The following DNAJC1 variants were observed in gnomAD, a reference collection of about 807,000 sequenced individuals.
The protein encoded by DNAJC1 is dnaJ homolog subfamily C member 1.
In DNAJC1, 58 loss-of-function variants were observed where a neutral mutation model predicts 76.6. The ratio of observed to expected loss-of-function variants is 0.76; its 90% CI spans 0.61 to 0.94. The LOEUF (loss-of-function observed/expected upper bound fraction) is 0.94, where lower values mean the gene tolerates loss of function less well. DNAJC1 is among the 40% of genes least tolerant of loss of function. The probability of loss-of-function intolerance (pLI) is 0.00; values close to 1 mark genes in which losing one functional copy is unlikely to be tolerated. For synonymous variants in DNAJC1, 258 were observed against 267.9 expected, an observed-to-expected ratio of 0.96 and a Z score of 0.36; for missense variants, 689 against 677.3, an observed-to-expected ratio of 1.02 and a Z score of -0.19.
intron 8 of DNAJC1, among the ~76,000 whole-genome samples, chr10:21,879,361 C>T (rs1227590855): frequency 3.3e-5 from 5 of 152,144 alleles, no homozygotes; most frequent in African/African-American, 9.7e-5. Context: ...CGTTAGCTCA[C>T]ACCTATAATC....
chr10:21,848,580 G>C lies in DNAJC1; in HGVS notation c.978+33702C>G, dbSNP rs1053240743. On this transcript the variant is annotated intron_variant, in intron 8 of 11. Coordinates refer to ENST00000376980, the MANE Select transcript of DNAJC1 (RefSeq NM_022365.4). Reference sequence around the variant, plus strand: ...ACTTTCAATATGGATAGAACATCTAGAAAGAAGATAAATAGGGAACCAGAG... The same window carrying C: ...ACTTTCAATATGGATAGAACATCTACAAAGAAGATAAATAGGGAACCAGAG... Among the ~76,000 whole-genome samples the C allele has an allele frequency of 7.2e-5, 11 of 152,252 alleles. No individual in the cohort carries two copies. In the South Asian group the frequency reaches 1.2e-3, roughly 17 times the overall value.
chr10:21,781,444 G>T (rs903141608), intron 9 of DNAJC1, among the ~76,000 whole-genome samples: 10 of 152,140 alleles, frequency 6.6e-5, no homozygotes, highest in African/African-American at 2.4e-4. Flanking sequence ...CTCACTCGCC[G>T]GGCGCGGTGG....
In DNAJC1 at chr10:21,918,886, G is replaced by A. The variant is rs1358880392; in HGVS notation, c.636-14C>T. On this transcript the variant is annotated splice_polypyrimidine_tract_variant and intron_variant, in intron 5 of 11. Coordinates refer to ENST00000376980, the MANE Select transcript of DNAJC1 (RefSeq NM_022365.4). Reference sequence around the variant, plus strand: ...TTCATCAGCAATCTAAAGGGAGGGAGAAAAAAGAACACCATACAACATATG... The same window carrying A: ...TTCATCAGCAATCTAAAGGGAGGGAAAAAAAAGAACACCATACAACATATG... 1 of 1,585,096 alleles carries A rather than the reference G, an allele frequency of 6.3e-7. No homozygotes were observed. The highest frequency in any genetic ancestry group is 2.2e-5 in the East Asian group (1 of 44,636).
At chr10:21,857,851 T>A (rs1835861879) in intron 8 of DNAJC1, among the ~76,000 whole-genome samples, 2 of 151,402 alleles carry the variant, frequency 1.3e-5, no homozygotes, top group Admixed American at 1.3e-4. Context: ...CAAGGCTCCG[T>A]CTCAAAAAAA....
intron 1 of DNAJC1, among the ~76,000 whole-genome samples, chr10:21,998,583 T>C (rs538637824): frequency 2.7e-4 from 41 of 152,164 alleles, no homozygotes; most frequent in African/African-American, 8.2e-4. Context: ...CCATCTCCTC[T>C]GAAAAGATGC....
intron 1 of DNAJC1, among the ~76,000 whole-genome samples, chr10:21,962,739 G>A (rs1432537585): frequency 1.3e-5 from 2 of 148,286 alleles, no homozygotes; most frequent in Admixed American, 6.8e-5. Context: ...TTTTTCGTGT[G>A]TTATGTTGCA....
intron 9 of DNAJC1, among the ~76,000 whole-genome samples, chr10:21,772,271 C>CTTTTTTTTTTT (rs398045895): frequency 2.1e-5 from 2 of 93,040 alleles, no homozygotes; most frequent in Admixed American, 1.3e-4. Context: ...CACCCCTCTT[C>CTTTTTTTTTTT]TTTTTTTTTT....
chr10:21,854,093 T>C (rs1276054531), intron 8 of DNAJC1, among the ~76,000 whole-genome samples: 1 of 152,052 alleles, frequency 6.6e-6, no homozygotes, highest in East Asian at 1.9e-4. Flanking sequence ...CTATAGACAC[T>C]ACAGTGGATA....
intron 8 of DNAJC1, among the ~76,000 whole-genome samples, chr10:21,821,699 A>G (rs188899165): frequency 6.6e-6 from 1 of 152,314 alleles, no homozygotes; most frequent in East Asian, 1.9e-4. Context: ...CTTGCTTTAA[A>G]GTTAGAAGTC....
At chr10:21,948,990 A>C (rs1837550563) in intron 1 of DNAJC1, among the ~76,000 whole-genome samples, 1 of 152,236 alleles carries the variant, frequency 6.6e-6, no homozygotes. Context: ...GCAGGAAGTC[A>C]GACCTTATCA....
At chr10:21,865,768 C>G (rs1428433005) in intron 8 of DNAJC1, 1 of 151,826 alleles carries the variant, frequency 6.6e-6, no homozygotes, top group Non-Finnish European at 1.5e-5. Flanking sequence ...ACATGGAGTA[C>G]AGTAAATTAA....
chr10:21,844,149 C>G (rs1166202302), intron 8 of DNAJC1, among the ~76,000 whole-genome samples: 1 of 152,192 alleles, frequency 6.6e-6, no homozygotes, highest in Non-Finnish European at 1.5e-5. Context: ...AATTAAACCT[C>G]TTTCCTTTAT....
intron 8 of DNAJC1, among the ~76,000 whole-genome samples, chr10:21,841,034 A>C (rs1402602080): frequency 6.6e-5 from 10 of 152,340 alleles, no homozygotes; most frequent in African/African-American, 2.2e-4. Flanking sequence ...TGGTGCTGGG[A>C]AAACTGGCTA....
intron 9 of DNAJC1, among the ~76,000 whole-genome samples, chr10:21,788,455 C>T (rs961593055): frequency 7.9e-5 from 12 of 152,176 alleles, no homozygotes; most frequent in Non-Finnish European, 1.2e-4. Flanking sequence ...GCTCAGACAC[C>T]CTACCCTACA....
At chr10:21,867,791 G>A (rs1836028654) in intron 8 of DNAJC1, among the ~76,000 whole-genome samples, 1 of 151,870 alleles carries the variant, frequency 6.6e-6, no homozygotes, top group African/African-American at 2.4e-5. Context: ...TGGGTGACAG[G>A]CCGGGTGCCG....
chr10:21,806,146 A>T lies in DNAJC1; in HGVS notation c.979-47T>A, dbSNP rs746379418. ...AAAAAAAGATAATTGGGAGAAAATA[A>T]AAAGATAATTGGAAGAATAAAAAAA... On this transcript the variant is annotated intron_variant, in intron 8 of 11. Coordinates refer to ENST00000376980, the MANE Select transcript of DNAJC1 (RefSeq NM_022365.4). The T allele has an allele frequency of 1.9e-6, 3 of 1,550,802 alleles. No individual in the cohort carries two copies. The South Asian group carries it at 3.6e-5, about 19-fold the overall frequency.
At chr10:21,787,119 G>C (rs913479090) in intron 9 of DNAJC1, among the ~76,000 whole-genome samples, 6 of 152,104 alleles carry the variant, frequency 3.9e-5, no homozygotes, top group Admixed American at 3.3e-4. Flanking sequence ...CCTGAGGTCA[G>C]GAGTTTGAGA....
chr10:21,932,658 T>C (rs1408814436), intron 1 of DNAJC1, among the ~76,000 whole-genome samples: 1 of 152,198 alleles, frequency 6.6e-6, no homozygotes, highest in Non-Finnish European at 1.5e-5. Context: ...CAAAGAGCTG[T>C]GGTTATTTTG....
intron 1 of DNAJC1, among the ~76,000 whole-genome samples, chr10:21,940,658 T>C (rs767465430): frequency 1.3e-5 from 2 of 152,182 alleles, no homozygotes; most frequent in Non-Finnish European, 2.9e-5. Flanking sequence ...TTGAGTTGGA[T>C]ACACCTCTGT....
Sources: allele counts gnomAD v4.1 joint callset (sites outside exome capture counted in the v4.1 genomes callset), GRCh38; gene constraint gnomAD v4.1.1; transcripts MANE v1.5; gene names NCBI Gene and HGNC (gene_info 2026-07-23, HGNC 2026-07-21).